FER: variants seen among roughly 807,000 people sequenced by gnomAD.
The protein encoded by FER is FER tyrosine kinase, also known as tyrosine-protein kinase Fer.
Under a neutral mutation model 111.0 loss-of-function variants are expected in FER, and 63 were observed. That is an observed-to-expected ratio of 0.57 (90% CI 0.46 to 0.70). The LOEUF (loss-of-function observed/expected upper bound fraction) is 0.70. Among genes scored for constraint, FER ranks in the 30% least tolerant of loss-of-function variants. The pLI, the probability that FER is intolerant of heterozygous loss-of-function variation, is 0.00. For synonymous variants in FER, 327 were observed against 313.9 expected (o/e 1.04, Z -0.44); for missense variants, 914 against 954.0 (o/e 0.96, Z 0.55).
At chr5:108,942,231 TA>T (rs1756372200) in intron 10 of FER, among the ~76,000 whole-genome samples, 3 of 152,120 alleles carry the variant, frequency 2.0e-5, no homozygotes, top group Admixed American at 2.0e-4. Flanking sequence ...ACATCTTATT[TA>T]AGAGATACAG....
At chr5:108,931,545 A>C (rs1028030327) in intron 10 of FER, among the ~76,000 whole-genome samples, 3 of 152,156 alleles carry the variant, frequency 2.0e-5, no homozygotes, top group African/African-American at 7.2e-5. Flanking sequence ...TCATGTCTAA[A>C]TTCTCTTATC....
chr5:108,975,524 A>G (rs937132185), intron 13 of FER, among the ~76,000 whole-genome samples: 2 of 152,206 alleles, frequency 1.3e-5, no homozygotes, highest in Admixed American at 6.5e-5. Context: ...AAAGGTGCCA[A>G]ATAATAACAT....
intron 17 of FER, among the ~76,000 whole-genome samples, chr5:109,128,223 A>G (rs1268222898): frequency 6.6e-6 from 1 of 151,860 alleles, no homozygotes; most frequent in Admixed American, 6.6e-5. Context: ...TTTGTGAGAT[A>G]TACAAGTTTT....
chr5:109,088,224 T>G (rs1777776800), intron 16 of FER, among the ~76,000 whole-genome samples: 1 of 152,044 alleles, frequency 6.6e-6, no homozygotes, highest in Non-Finnish European at 1.5e-5. Context: ...TGTTTCTTCT[T>G]TTGTTTTTAA....
At chr5:108,919,702 T>A (rs1366490915) in intron 10 of FER, among the ~76,000 whole-genome samples, 2 of 152,214 alleles carry the variant, frequency 1.3e-5, no homozygotes, top group Non-Finnish European at 2.9e-5. Context: ...AGGAACTTTA[T>A]CAGAATCGGT....
intron 18 of FER, among the ~76,000 whole-genome samples, chr5:109,184,141 CTATT>C (rs1230058425): frequency 1.3e-5 from 2 of 152,176 alleles, no homozygotes; most frequent in African/African-American, 2.4e-5. Context: ...CATAAATCAT[CTATT>C]TATCATCAAT....
intron 13 of FER, among the ~76,000 whole-genome samples, chr5:108,989,677 CTT>C: frequency 6.6e-6 from 1 of 151,764 alleles, no homozygotes; most frequent in Admixed American, 6.6e-5. Context: ...TTTTGTATCT[CTT>C]ATTTATAACT....
chr5:109,033,589 T>C (rs1733090905), intron 13 of FER, among the ~76,000 whole-genome samples: 2 of 152,160 alleles, frequency 1.3e-5, no homozygotes, highest in South Asian at 4.1e-4. Flanking sequence ...AGCATCATCA[T>C]ATAACTGAAA....
chr5:108,785,025 C>T, intron 2 of FER: 1 of 332,534 alleles, frequency 3.0e-6, no homozygotes, highest in Non-Finnish European at 5.8e-6. Context: ...TATGCAGATA[C>T]ACTGTCTAGT....
chr5:108,803,488 C>T (rs1247789564), intron 3 of FER, among the ~76,000 whole-genome samples: 1 of 152,066 alleles, frequency 6.6e-6, no homozygotes, highest in Non-Finnish European at 1.5e-5. Context: ...ATCTTTAATC[C>T]ATTCTGAATT....
In FER at chr5:108,818,938, G is replaced by A. The variant is rs570860452; in HGVS notation, c.208-13832G>A. On this transcript the variant is annotated intron_variant, in intron 3 of 19. Transcript: ENST00000281092. ...TCTTCACTTCTAATTTAATGATTAA[G>A]TACTAAATAGAAATTAAAGATTACT... Among the ~76,000 whole-genome samples the A allele has an allele frequency of 2.0e-5, 3 of 152,270 alleles. No homozygotes were observed. The South Asian group carries it at 6.2e-4, about 32-fold the overall frequency.
chr5:109,183,962 G>A (rs1216642587), intron 18 of FER, among the ~76,000 whole-genome samples: 2 of 152,130 alleles, frequency 1.3e-5, no homozygotes, highest in Non-Finnish European at 2.9e-5. Context: ...ATAAGTGGCT[G>A]AGAAATCTTT....
At chr5:109,012,996 G>C (rs1012486901) in intron 13 of FER, among the ~76,000 whole-genome samples, 1 of 150,994 alleles carries the variant, frequency 6.6e-6, no homozygotes, top group South Asian at 2.1e-4. Flanking sequence ...GGAATTACCT[G>C]TTACTAGAAT....
intron 2 of FER, among the ~76,000 whole-genome samples, chr5:108,771,467 C>T (rs1342240275): frequency 6.6e-6 from 1 of 152,130 alleles, no homozygotes; most frequent in Admixed American, 6.5e-5. Context: ...ACTTCCTTCT[C>T]CTTTAGCTGG....
At chr5:109,021,613 A>G (rs1767933450) in intron 13 of FER, among the ~76,000 whole-genome samples, 1 of 152,088 alleles carries the variant, frequency 6.6e-6, no homozygotes. Flanking sequence ...CTTAGTGCTT[A>G]TCTTAGTACT....
intron 12 of FER, among the ~76,000 whole-genome samples, chr5:108,958,371 C>T (rs1243836075): frequency 1.3e-5 from 2 of 151,816 alleles, no homozygotes; most frequent in East Asian, 1.9e-4. Flanking sequence ...GGTATGAGAA[C>T]TAGCAGTTGG....
At chr5:109,133,342 A>G (rs1293362688) in intron 17 of FER, among the ~76,000 whole-genome samples, 1 of 152,194 alleles carries the variant, frequency 6.6e-6, no homozygotes, top group African/African-American at 2.4e-5. Context: ...TGAACTATTA[A>G]AATTCAACTT....
At chr5:109,027,740 G>C (rs761627314) in intron 13 of FER, among the ~76,000 whole-genome samples, 2 of 152,110 alleles carry the variant, frequency 1.3e-5, no homozygotes, top group Non-Finnish European at 1.5e-5. Flanking sequence ...AGCCTGGGCA[G>C]ACTGCTGGTT....
chr5:109,078,058 G>A (rs1234612005), intron 16 of FER, among the ~76,000 whole-genome samples: 1 of 152,106 alleles, frequency 6.6e-6, no homozygotes, highest in South Asian at 2.1e-4. Flanking sequence ...GTATACTCAA[G>A]GGACTGTAAA....
Sources: gnomAD v4.1 joint callset for allele counts (sites outside exome capture counted in the v4.1 genomes callset) on GRCh38, gnomAD v4.1.1 for gene constraint, MANE v1.5 for transcripts, NCBI Gene and HGNC (gene_info 2026-07-23, HGNC 2026-07-21) for gene names.